The following SV2C variants were observed in gnomAD, a reference collection of about 807,000 sequenced individuals.
SV2C encodes the protein synaptic vesicle glycoprotein 2C.
A neutral mutation model predicts 79.7 loss-of-function variants in SV2C; 49 were observed. The ratio of observed to expected loss-of-function variants is 0.61; its 90% CI spans 0.49 to 0.78. The LOEUF (loss-of-function observed/expected upper bound fraction) is 0.78. Ranked by LOEUF, SV2C falls within the 30% of genes least tolerant of loss-of-function variation. SV2C has a pLI of 0.00. For synonymous variants in SV2C, 334 were observed against 333.2 expected (o/e 1.00, Z -0.03); for missense variants, 833 against 912.9 (o/e 0.91, Z 1.13).
chr5:76,302,490 C>T (rs575442403), intron 12 of SV2C, among the ~76,000 whole-genome samples: 140 of 151,844 alleles, frequency 9.2e-4, no homozygotes, highest in Admixed American at 2.4e-3. Flanking sequence ...CCTAGCCAGG[C>T]ATGGCGGCGG....
At chr5:75,889,992 C>A in the SV2C span, among the ~76,000 whole-genome samples, 1 of 151,882 alleles carries the variant, frequency 6.6e-6, no homozygotes, top group Non-Finnish European at 1.5e-5. Flanking sequence ...AAAGAAAGGC[C>A]AAGGAATTTT....
At chr5:75,907,546 C>T in the SV2C span, among the ~76,000 whole-genome samples, 1 of 151,976 alleles carries the variant, frequency 6.6e-6, no homozygotes, top group African/African-American at 2.4e-5. Context: ...GAGAAGAGCC[C>T]ATGAGAGAGA....
At chr5:76,249,296 G>T (rs982177787) in intron 4 of SV2C, among the ~76,000 whole-genome samples, 2 of 152,138 alleles carry the variant, frequency 1.3e-5, no homozygotes, top group Non-Finnish European at 2.9e-5. Flanking sequence ...TTCTGTAGTA[G>T]ATTTTGTTTA....
At chr5:76,066,798 A>T in the SV2C span, among the ~76,000 whole-genome samples, 119 of 57,808 alleles carry the variant, frequency 2.1e-3, 2 homozygotes, top group South Asian at 0.083. Context: ...ACCCTGTTAA[A>T]AAAAAAAAAA....
intron 1 of SV2C, among the ~76,000 whole-genome samples, chr5:76,085,826 T>TAC (rs34074817): frequency 0.058 from 8,297 of 141,892 alleles, 289 homozygotes; most frequent in African/African-American, 0.11. Context: ...ACAAAGCCCC[T>TAC]ACACACACAC....
intron 12 of SV2C, among the ~76,000 whole-genome samples, chr5:76,317,442 AAC>A (rs1554047573): frequency 1.4e-5 from 2 of 147,162 alleles, no homozygotes; most frequent in Non-Finnish European, 3.0e-5. Flanking sequence ...CACCCCCCCC[AAC>A]ACACACACAC....
intron 12 of SV2C, among the ~76,000 whole-genome samples, chr5:76,319,139 G>A (rs1366680828): frequency 6.6e-6 from 1 of 152,140 alleles, no homozygotes; most frequent in East Asian, 1.9e-4. Flanking sequence ...AGCTGGGCGT[G>A]GTGGCTCACG....
At chr5:75,853,627 A>AAAAAAAAAAAC in the SV2C span, among the ~76,000 whole-genome samples, 1 of 146,818 alleles carries the variant, frequency 6.8e-6, no homozygotes, top group Non-Finnish European at 1.5e-5. Context: ...AAAAAAAAAA[A>AAAAAAAAAAAC]AAAAGAATTT....
the SV2C span, among the ~76,000 whole-genome samples, chr5:75,922,330 T>C: frequency 2.6e-5 from 4 of 152,222 alleles, no homozygotes; most frequent in African/African-American, 4.8e-5. Flanking sequence ...GGATAGGAAA[T>C]TTATAAAACA....
chr5:75,865,885 A>G, the SV2C span, among the ~76,000 whole-genome samples: 2 of 152,230 alleles, frequency 1.3e-5, no homozygotes, highest in Admixed American at 1.3e-4. Flanking sequence ...TGGAACTGGC[A>G]CAATGGGCAC....
chr5:76,317,943 C>A (rs1192148008), intron 12 of SV2C, among the ~76,000 whole-genome samples: 1 of 152,158 alleles, frequency 6.6e-6, no homozygotes. Context: ...ACATGCCAGG[C>A]ACTGCCCTAA....
intron 1 of SV2C, among the ~76,000 whole-genome samples, chr5:76,114,520 T>C (rs1251538366): frequency 2.6e-5 from 4 of 152,222 alleles, no homozygotes; most frequent in South Asian, 2.1e-4. Flanking sequence ...TTTGCTGTTA[T>C]CAGTGTAATA....
chr5:75,986,655 G>A, the SV2C span, among the ~76,000 whole-genome samples: 1 of 152,094 alleles, frequency 6.6e-6, no homozygotes, highest in African/African-American at 2.4e-5. Flanking sequence ...TCTAGGCTTA[G>A]TTTTAGGACA....
At chr5:76,156,926 A>G (rs1361918605) in intron 2 of SV2C, among the ~76,000 whole-genome samples, 1 of 152,134 alleles carries the variant, frequency 6.6e-6, no homozygotes, top group Admixed American at 6.5e-5. Context: ...CATTGAGTGC[A>G]CCAACCTATA....
At chr5:75,917,179 G>A in the SV2C span, among the ~76,000 whole-genome samples, 1 of 152,132 alleles carries the variant, frequency 6.6e-6, no homozygotes, top group Admixed American at 6.5e-5. Context: ...CTGCTTCTAG[G>A]AGAATCCAAA....
intron 3 of SV2C, among the ~76,000 whole-genome samples, chr5:76,197,101 C>A (rs1267139546): frequency 6.6e-6 from 1 of 152,230 alleles, no homozygotes; most frequent in East Asian, 1.9e-4. Flanking sequence ...GAAAGTCATG[C>A]AGGCTCTCCT....
chr5:76,310,433 G>T (rs1208242134), intron 12 of SV2C, among the ~76,000 whole-genome samples: 1 of 152,212 alleles, frequency 6.6e-6, no homozygotes, highest in African/African-American at 2.4e-5. Flanking sequence ...GAGTGTGAGA[G>T]ACCAGTTGGA....
At chr5:76,274,061 T>C (rs948536802) in intron 4 of SV2C, among the ~76,000 whole-genome samples, 1 of 152,238 alleles carries the variant, frequency 6.6e-6, no homozygotes, top group Admixed American at 6.5e-5. Context: ...AGACCTGTAT[T>C]GTCAGTGTTT....
chr5:76,341,718 A>G (rs958119792), intron 12 of SV2C, among the ~76,000 whole-genome samples: 1 of 152,128 alleles, frequency 6.6e-6, no homozygotes, highest in Non-Finnish European at 1.5e-5. Flanking sequence ...TGACACACAA[A>G]TTCTCACTAA....
Sources: allele counts gnomAD v4.1 joint callset (sites outside exome capture counted in the v4.1 genomes callset), GRCh38; gene constraint gnomAD v4.1.1; transcripts MANE v1.5; gene names NCBI Gene and HGNC (gene_info 2026-07-23, HGNC 2026-07-21).